Variants in LRRC4C observed in about 807,000 individuals in gnomAD.
LRRC4C encodes leucine rich repeat containing 4C.
A neutral mutation model predicts 33.6 loss-of-function variants in LRRC4C; 5 were observed. That is an observed-to-expected ratio of 0.15 (90% CI 0.08 to 0.31). LRRC4C has a LOEUF of 0.31. LRRC4C is among the 10% of genes least tolerant of loss of function. LRRC4C has a pLI of 1.00. For missense variants in LRRC4C, 560 were observed against 796.7 expected (o/e 0.70, Z 3.58); for synonymous variants, 329 against 302.0 (o/e 1.09, Z -0.93).
chr11:40,521,606 C>T (rs1055426792), intron 3 of LRRC4C, among the ~76,000 whole-genome samples: 2 of 152,152 alleles, frequency 1.3e-5, no homozygotes, highest in African/African-American at 2.4e-5. Flanking sequence ...CGCGGTGGCT[C>T]ATGCCTGTAA....
intron 3 of LRRC4C, among the ~76,000 whole-genome samples, chr11:40,611,827 A>G (rs939851571): frequency 6.6e-6 from 1 of 151,670 alleles, no homozygotes; most frequent in African/African-American, 2.4e-5. Flanking sequence ...ATCACTTTGT[A>G]GCTGTTAGAA....
intron 1 of LRRC4C, among the ~76,000 whole-genome samples, chr11:40,957,273 T>C (rs1958998811): frequency 6.6e-6 from 1 of 151,734 alleles, no homozygotes; most frequent in Non-Finnish European, 1.5e-5. Context: ...GCAAGTCGCT[T>C]AGCAATTGTA....
intron 4 of LRRC4C, among the ~76,000 whole-genome samples, chr11:40,314,041 G>A (rs996453663): frequency 1.3e-5 from 2 of 151,920 alleles, no homozygotes; most frequent in African/African-American, 4.8e-5. Flanking sequence ...CACAGCCAAG[G>A]AAACAATGAA....
intron 3 of LRRC4C, among the ~76,000 whole-genome samples, chr11:40,404,087 G>T (rs1440136960): frequency 6.6e-6 from 1 of 152,154 alleles, no homozygotes; most frequent in African/African-American, 2.4e-5. Flanking sequence ...CTTTAAAAGT[G>T]CTTGTTCGTA....
chr11:40,931,955 G>T (rs1398352826), intron 2 of LRRC4C, among the ~76,000 whole-genome samples: 2 of 152,098 alleles, frequency 1.3e-5, no homozygotes, highest in Non-Finnish European at 2.9e-5. Flanking sequence ...TTAATAAAAA[G>T]TTGAGAAATA....
chr11:41,332,274 C>A (rs1279217903), intron 1 of LRRC4C, among the ~76,000 whole-genome samples: 1 of 152,152 alleles, frequency 6.6e-6, no homozygotes, highest in Non-Finnish European at 1.5e-5. Context: ...AATTTTATAA[C>A]AAGCACAAAC....
chr11:41,310,412 A>T (rs2958851), intron 1 of LRRC4C, among the ~76,000 whole-genome samples: 57,616 of 152,036 alleles, frequency 0.38, 13,022 homozygotes, highest in Non-Finnish European at 0.5. Context: ...GGATTTAGAG[A>T]ATCAGACTGC....
At chr11:40,127,755 A>T (rs11602008) in intron 6 of LRRC4C, among the ~76,000 whole-genome samples, 25,346 of 152,084 alleles carry the variant, frequency 0.17, 2,238 homozygotes, top group East Asian at 0.26. Context: ...AATACGCCCC[A>T]GTTAAAATCC....
chr11:40,842,873 T>C (rs1170355792), intron 2 of LRRC4C, among the ~76,000 whole-genome samples: 1 of 152,202 alleles, frequency 6.6e-6, no homozygotes, highest in Non-Finnish European at 1.5e-5. Flanking sequence ...TGTGGTGTTT[T>C]CATTCACCAA....
At chr11:41,435,849 C>G (rs1955406486) in intron 1 of LRRC4C, among the ~76,000 whole-genome samples, 1 of 152,150 alleles carries the variant, frequency 6.6e-6, no homozygotes, top group African/African-American at 2.4e-5. Flanking sequence ...GATTATTTAA[C>G]ACAAGACTTC....
rs1232820331 is a variant in LRRC4C, at chr11:40,141,732, G to A, written c.-95-879C>T. ...GTTAAAATCTTCAAGGGACAAGGAG[G>A]AGTGAAGCACAGGGCTATGGCTGAC... is the stretch of plus-strand genomic sequence containing the variant. On this transcript the variant is annotated intron_variant, in intron 5 of 6. Transcript: ENST00000528697. 2.6e-5 allele frequency among the ~76,000 whole-genome samples: 4 copies of A among 152,156 alleles called. No homozygotes were observed. The East Asian group carries it at 7.7e-4, about 29-fold the overall frequency.
At chr11:40,177,544 C>T (rs1803398931) in intron 5 of LRRC4C, among the ~76,000 whole-genome samples, 1 of 152,146 alleles carries the variant, frequency 6.6e-6, no homozygotes, top group Admixed American at 6.5e-5. Context: ...CCCACCTATT[C>T]TCTTTGCTTG....
At chr11:41,135,029 G>A (rs1322254259) in intron 1 of LRRC4C, among the ~76,000 whole-genome samples, 4 of 151,916 alleles carry the variant, frequency 2.6e-5, no homozygotes, top group Non-Finnish European at 5.9e-5. Context: ...GAGACATCAT[G>A]AAAAATGATT....
At chr11:41,330,491 G>A (rs1005182576) in intron 1 of LRRC4C, among the ~76,000 whole-genome samples, 1 of 152,098 alleles carries the variant, frequency 6.6e-6, no homozygotes, top group African/African-American at 2.4e-5. Flanking sequence ...CATGACATTA[G>A]ATGCCGTCAA....
At chr11:41,190,436 CAT>C (rs1435488471) in intron 1 of LRRC4C, among the ~76,000 whole-genome samples, 1 of 152,128 alleles carries the variant, frequency 6.6e-6, no homozygotes, top group African/African-American at 2.4e-5. Context: ...GGATAGAAAA[CAT>C]CTCTCGGGCA....
chr11:40,566,007 C>T (rs1477465374), intron 3 of LRRC4C, among the ~76,000 whole-genome samples: 1 of 149,636 alleles, frequency 6.7e-6, no homozygotes, highest in Non-Finnish European at 1.5e-5. Context: ...TATTCTGCTA[C>T]AATTCATATT....
intron 3 of LRRC4C, among the ~76,000 whole-genome samples, chr11:40,483,783 GTATA>G (rs1953712579): frequency 7.1e-6 from 1 of 141,190 alleles, no homozygotes; most frequent in African/African-American, 2.9e-5. Context: ...GTATATATAT[GTATA>G]TATATGTATA....
intron 2 of LRRC4C, among the ~76,000 whole-genome samples, chr11:40,884,802 C>A (rs1955361596): frequency 6.7e-6 from 1 of 148,964 alleles, no homozygotes; most frequent in Non-Finnish European, 1.5e-5. Flanking sequence ...GCTTCTGAAT[C>A]TTTTACTTAA....
chr11:41,236,407 A>G (rs1402043851), intron 1 of LRRC4C, among the ~76,000 whole-genome samples: 1 of 152,068 alleles, frequency 6.6e-6, no homozygotes, highest in Non-Finnish European at 1.5e-5. Flanking sequence ...AAATAACAGT[A>G]ACAAAACCGA....
Sources: gnomAD v4.1 joint callset for allele counts (sites outside exome capture counted in the v4.1 genomes callset) on GRCh38, gnomAD v4.1.1 for gene constraint, MANE v1.5 for transcripts, NCBI Gene and HGNC (gene_info 2026-07-23, HGNC 2026-07-21) for gene names.